The following IL2RA variants were observed in gnomAD, a reference collection of about 807,000 sequenced individuals.
IL2RA encodes the protein interleukin-2 receptor subunit alpha.
A neutral mutation model predicts 37.8 loss-of-function variants in IL2RA; 24 were observed. That is an observed-to-expected ratio of 0.63 (90% CI 0.46 to 0.89). IL2RA has a LOEUF of 0.89. Ranked by LOEUF, IL2RA falls within the 40% of genes least tolerant of loss-of-function variation. The pLI is 0.00. For missense variants in IL2RA, 319 were observed against 348.6 expected (o/e 0.92, Z 0.68); for synonymous variants, 125 against 114.6 (o/e 1.09, Z -0.58).
intron 1 of IL2RA, among the ~76,000 whole-genome samples, chr10:6,041,366 C>T (rs12722513): frequency 0.19 from 28,632 of 151,982 alleles, 2,985 homozygotes; most frequent in East Asian, 0.26. Context: ...CCACCCGCCT[C>T]GGCCTCCCAA....
intron 1 of IL2RA, among the ~76,000 whole-genome samples, chr10:6,055,090 T>G (rs939572113): frequency 6.6e-6 from 1 of 152,234 alleles, no homozygotes; most frequent in East Asian, 1.9e-4. Flanking sequence ...ATGGGGTTCA[T>G]GCACCCACAA....
intron 1 of IL2RA, among the ~76,000 whole-genome samples, chr10:6,030,170 C>A (rs1839553589): frequency 6.6e-6 from 1 of 151,966 alleles, no homozygotes; most frequent in Non-Finnish European, 1.5e-5. Context: ...AATAGCCTAA[C>A]CTACATTTAA....
chr10:6,022,863 A>C lies in IL2RA; in HGVS notation c.368-1170T>G, dbSNP rs1362031898. Among the ~76,000 whole-genome samples, 4 of 86,862 alleles carry C rather than the reference A, an allele frequency of 4.6e-5. No individual in the cohort carries two copies. The highest frequency in any genetic ancestry group is 1.3e-4 in the Non-Finnish European group (4 of 31,398). 57.0% of individuals were successfully genotyped at this position (86,862 alleles called of 152,430 possible). ...CTTTGAAGCCTTCCAATAACTGTGC[A>C]GGGTGATATGGGGGAAGTAGAACAA... On this transcript the variant is annotated intron_variant, in intron 3 of 7. Transcript: ENST00000379959. This position sits in a 1 kb window ranked among gnomAD's most constrained non-coding sequence, Gnocchi z 4.7.
intron 1 of IL2RA, 119 bp downstream of exon 1, chr10:6,061,969 C>T (rs1840127798): frequency 2.4e-6 from 2 of 832,542 alleles, no homozygotes; most frequent in Non-Finnish European, 4.1e-6. Context: ...AGAGGTGGAA[C>T]CCAAGATTCA....
At chr10:6,061,963 G>A in intron 1 of IL2RA, 125 bp downstream of exon 1, 2 of 795,746 alleles carry the variant, frequency 2.5e-6, no homozygotes, top group Non-Finnish European at 4.3e-6. Flanking sequence ...CAGGCAAGAG[G>A]TGGAACCCAA....
At chr10:6,024,384 A>G (rs780486971) in intron 2 of IL2RA, 30 bp from the exon 3 acceptor site, 5 of 1,440,064 alleles carry the variant, frequency 3.5e-6, no homozygotes, top group East Asian at 2.3e-5. Context: ...TGATGCAGAT[A>G]ATTTCACAAA....
intron 1 of IL2RA, among the ~76,000 whole-genome samples, chr10:6,059,145 C>G (rs541456482): frequency 1.9e-4 from 29 of 152,192 alleles, no homozygotes; most frequent in African/African-American, 7.0e-4. Context: ...AGAAACTTGA[C>G]CCCTGTCATT....
chr10:6,024,186 GC>G, intron 3 of IL2RA, 57 bp downstream of exon 3: 1 of 1,114,356 alleles, frequency 9.0e-7, no homozygotes, highest in Non-Finnish European at 1.4e-6. Flanking sequence ...CACATCATCT[GC>G]CTGCAGGAGA....
In IL2RA at chr10:6,021,787, T is replaced by C; in HGVS notation, c.368-94A>G. 3.2e-6 allele frequency: 3 copies of C among 933,440 alleles called. No individual in the cohort carries two copies. Among genetic ancestry groups the C allele is most frequent in the Non-Finnish European group, 5.2e-6 (3 of 576,034 alleles). 57.8% of individuals were successfully genotyped at this position (933,440 alleles called of 1,614,324 possible). On this transcript the variant is annotated intron_variant, in intron 3 of 7. Transcript: ENST00000379959. This position sits in a 1 kb window ranked among gnomAD's most constrained non-coding sequence, Gnocchi z 4.9. ...TTGCTAGGGACTGGACCTTGGTTCT[T>C]ACTCTCTTGACTGCTTGCTCATCCT...
Position 6,062,135 on chromosome 10 carries a change from A to G in IL2RA, c.17T>C (p.Leu6Pro). MDSYL[L>P]MWGLLTFIMV... ...GATGAACGTGAGCAGTCCCCACATCAGCAGGTATGAATCCATCTTCCTGAC... is the reference window on the plus strand; with the variant it reads ...GATGAACGTGAGCAGTCCCCACATCGGCAGGTATGAATCCATCTTCCTGAC... Residue 6 changes from leucine to proline, a missense_variant, in exon 1 of 8, where the codon CTG becomes CCG. Coordinates refer to ENST00000379959, the MANE Select transcript of IL2RA (RefSeq NM_000417.3). 6.2e-7 allele frequency: 1 copy of G among 1,614,010 alleles called. No homozygotes were observed. Among genetic ancestry groups the G allele is most frequent in the Non-Finnish European group, 8.5e-7 (1 of 1,179,882 alleles).
intron 3 of IL2RA, among the ~76,000 whole-genome samples, chr10:6,023,873 G>A (rs935410804): frequency 2.6e-5 from 4 of 152,212 alleles, no homozygotes; most frequent in African/African-American, 4.8e-5. Context: ...GACGCAGAGC[G>A]TTTCCTTGAG....
At position 6,033,627 on chromosome 10, in the gene IL2RA, T is replaced by C. The variant is rs936179566; in HGVS notation, c.65-7602A>G. Among the ~76,000 whole-genome samples, 1 of 152,208 alleles carries C rather than the reference T, an allele frequency of 6.6e-6. No individual in the cohort carries two copies. Among genetic ancestry groups the C allele is most frequent in the African/African-American group, 2.4e-5 (1 of 41,450 alleles). The stretch of plus-strand genomic sequence containing the variant: ...TTCAAAAATAAAAAATAATGAACTA[T>C]TGATACAGGCAATATTGATAAATCT... On this transcript the variant is annotated intron_variant, in intron 1 of 7. Transcript: ENST00000379959. This position sits in a 1 kb window ranked among gnomAD's most constrained non-coding sequence, Gnocchi z 4.3.
At chr10:6,034,458 T>G (rs962716796) in intron 1 of IL2RA, among the ~76,000 whole-genome samples, 1 of 152,044 alleles carries the variant, frequency 6.6e-6, no homozygotes, top group African/African-American at 2.4e-5. Flanking sequence ...TTTTTAGCCC[T>G]TCTCAGTGTA....
Position 6,048,751 on chromosome 10 carries a change from C to T in IL2RA, c.64+13337G>A, listed in dbSNP as rs185043457. 6.6e-6 allele frequency among the ~76,000 whole-genome samples: 1 copy of T among 152,192 alleles called. No individual in the cohort carries two copies. Among genetic ancestry groups the T allele is most frequent in the African/African-American group, 2.4e-5 (1 of 41,446 alleles). On this transcript the variant is annotated intron_variant, in intron 1 of 7. Transcript: ENST00000379959. The surrounding 1 kb of genome is among the most constrained non-coding windows in gnomAD (Gnocchi z 5.3). Reference sequence around the variant, plus strand: ...TTCTTCCTTCATTCTTCACATAAACCCAATGCTGTCTCTCCAAAGTACAAG... The same window carrying T: ...TTCTTCCTTCATTCTTCACATAAACTCAATGCTGTCTCTCCAAAGTACAAG...
intron 1 of IL2RA, among the ~76,000 whole-genome samples, chr10:6,039,222 T>C (rs1015959863): frequency 5.3e-5 from 8 of 152,174 alleles, no homozygotes; most frequent in Non-Finnish European, 8.8e-5. Flanking sequence ...TTGCTAAAGA[T>C]TCAATTCACC....
At chr10:6,051,526 C>CTT (rs1312667850) in intron 1 of IL2RA, among the ~76,000 whole-genome samples, 8 of 117,174 alleles carry the variant, frequency 6.8e-5, no homozygotes, top group Non-Finnish European at 9.2e-5. Flanking sequence ...TATTTTTTTT[C>CTT]TTTTTTTTTT....
rs774531130 is a variant in IL2RA, at chr10:6,012,885, C to T, written c.806G>A (p.Arg269Lys). ...LTWQRRQRKS[R>K]RTI ...TCTTTTGGTTTTCTAGATTGTTCTTCTACTCTTCCTCCTGTAGTGGTGTAA... is the reference window on the plus strand; with the variant it reads ...TCTTTTGGTTTTCTAGATTGTTCTTTTACTCTTCCTCCTGTAGTGGTGTAA... The change falls in exon 8 of 8, where the codon AGA becomes AAA. Residue 269 changes from arginine to lysine, a missense_variant. Coordinates refer to ENST00000379959, the MANE Select transcript of IL2RA (RefSeq NM_000417.3). The surrounding 1 kb of genome is among the most constrained non-coding windows in gnomAD (Gnocchi z 4.8). The T allele has an allele frequency of 1.9e-6, 3 of 1,614,018 alleles. No individual in the cohort carries two copies. Among genetic ancestry groups the T allele is most frequent in the Admixed American group, 3.3e-5 (2 of 59,996 alleles).
Position 6,012,776 on chromosome 10 carries a change from G to A in IL2RA, c.*96C>T, listed in dbSNP as rs1172674351. 1 of 1,293,594 alleles carries A rather than the reference G, an allele frequency of 7.7e-7. No individual in the cohort carries two copies. The highest frequency in any genetic ancestry group is 1.1e-6 in the Non-Finnish European group (1 of 888,050). 80.1% of individuals were successfully genotyped at this position (1,293,594 alleles called of 1,614,324 possible). On this transcript the variant is annotated 3_prime_UTR_variant, in exon 8 of 8. Coordinates refer to ENST00000379959, the MANE Select transcript of IL2RA (RefSeq NM_000417.3). This position sits in a 1 kb window ranked among gnomAD's most constrained non-coding sequence, Gnocchi z 4.8. ...CAGGCAAGCACAACGGATGTCTCCTGGGCGACCATTTAGCACCTTTGATTT... is the reference window on the plus strand; with the variant it reads ...CAGGCAAGCACAACGGATGTCTCCTAGGCGACCATTTAGCACCTTTGATTT...
rs1035368436 is a variant in IL2RA at position 6,036,999 on chromosome 10, G to T, written c.65-10974C>A. Among the ~76,000 whole-genome samples, 6 of 152,154 alleles carry T rather than the reference G, an allele frequency of 3.9e-5. No individual in the cohort carries two copies. Among genetic ancestry groups the T allele is most frequent in the African/African-American group, 1.4e-4 (6 of 41,414 alleles). On this transcript the variant is annotated intron_variant, in intron 1 of 7. Transcript: ENST00000379959. This position sits in a 1 kb window ranked among gnomAD's most constrained non-coding sequence, Gnocchi z 6.1. ...TGCTGGGGCTGCAGAGCCCCAGGCC[G>T]CACTTGGAGTATGAGAGTTTCCAGG...
Sources: allele counts gnomAD v4.1 joint callset (sites outside exome capture counted in the v4.1 genomes callset), GRCh38; gene constraint gnomAD v4.1.1; non-coding constraint Gnocchi (gnomAD v3.1); transcripts MANE v1.5; gene names NCBI Gene and HGNC (gene_info 2026-07-23, HGNC 2026-07-21).